ASAP2: variants seen among roughly 807,000 people sequenced by gnomAD.
ASAP2 encodes arf-GAP with SH3 domain, ANK repeat and PH domain-containing protein 2.
A neutral mutation model predicts 131.4 loss-of-function variants in ASAP2; 45 were observed. The observed-to-expected ratio is 0.34, with a 90% CI of 0.27 to 0.44. The LOEUF (loss-of-function observed/expected upper bound fraction) is 0.44, where lower values mean the gene tolerates loss of function less well. ASAP2 is among the 20% of genes least tolerant of loss of function. ASAP2 has a pLI of 1.00. For synonymous variants in ASAP2, 510 were observed against 503.0 expected (o/e 1.01, Z -0.19); for missense variants, 1,011 against 1,297.0 (o/e 0.78, Z 3.39).
chr2:9,215,071 A>G (rs959651519), intron 1 of ASAP2, among the ~76,000 whole-genome samples: 4 of 152,186 alleles, frequency 2.6e-5, no homozygotes, highest in Admixed American at 2.0e-4. Context: ...ACACACCCAG[A>G]TGGCATGCAG....
intron 27 of ASAP2, among the ~76,000 whole-genome samples, chr2:9,402,479 AGGTGTGGT>A (rs1462277174): frequency 6.6e-6 from 1 of 152,154 alleles, no homozygotes; most frequent in African/African-American, 2.4e-5. Flanking sequence ...AAAATTAGCT[AGGTGTGGT>A]GGCAGGCACC....
chr2:9,365,917 C>T (rs868033806), intron 15 of ASAP2, among the ~76,000 whole-genome samples: 18 of 152,026 alleles, frequency 1.2e-4, no homozygotes, highest in Non-Finnish European at 1.9e-4. Flanking sequence ...CTGGGTGATA[C>T]AGAACTTAAA....
intron 15 of ASAP2, among the ~76,000 whole-genome samples, chr2:9,364,059 TAGA>T (rs1420244261): frequency 3.3e-5 from 5 of 152,226 alleles, no homozygotes; most frequent in African/African-American, 1.2e-4. Context: ...CTTCTTAATG[TAGA>T]AGATCATGAT....
intron 16 of ASAP2, among the ~76,000 whole-genome samples, chr2:9,372,601 T>C (rs528542831): frequency 7.0e-4 from 107 of 152,294 alleles, no homozygotes; most frequent in Non-Finnish European, 1.2e-3. Context: ...ATATTAAACA[T>C]TGAAATATGA....
rs1008254236 is a variant in ASAP2, at chr2:9,392,715, T to C, written c.2519-767T>C. 6.6e-6 allele frequency among the ~76,000 whole-genome samples: 1 copy of C among 152,214 alleles called. No homozygotes were observed. The highest frequency in any genetic ancestry group is 6.5e-5 in the Admixed American group (1 of 15,284). On this transcript the variant is annotated intron_variant, in intron 23 of 27. Transcript: ENST00000281419. This position sits in a 1 kb window ranked among gnomAD's most constrained non-coding sequence, Gnocchi z 4.0. The stretch of plus-strand genomic sequence containing the variant: ...TTTCCCCACGCCAGTTTCCTCTCTG[T>C]GTAGCTGAAGGCCTCATTCTTCCTG...
At chr2:9,317,948 A>C (rs113056348) in intron 3 of ASAP2, among the ~76,000 whole-genome samples, 2,051 of 151,902 alleles carry the variant, frequency 0.014, 35 homozygotes, top group African/African-American at 0.047. Flanking sequence ...CACCCACAAC[A>C]CCCTCACTCA....
At chr2:9,341,306 A>AT (rs1671559335) in intron 9 of ASAP2, among the ~76,000 whole-genome samples, 1 of 152,202 alleles carries the variant, frequency 6.6e-6, no homozygotes, top group African/African-American at 2.4e-5. Context: ...TACTGAAGTA[A>AT]TTCGCACTAA....
chr2:9,375,827 T>G (rs1317335615), intron 17 of ASAP2, among the ~76,000 whole-genome samples: 1 of 152,222 alleles, frequency 6.6e-6, no homozygotes, highest in African/African-American at 2.4e-5. Context: ...AGAAGCTCTC[T>G]GAGAGGGGCG....
chr2:9,317,522 C>T (rs1669825342), intron 3 of ASAP2, among the ~76,000 whole-genome samples: 1 of 149,762 alleles, frequency 6.7e-6, no homozygotes, highest in Admixed American at 6.6e-5. Flanking sequence ...CAATCACACC[C>T]CACACTCAAA....
chr2:9,374,707 CG>C (rs1442528312), intron 16 of ASAP2, 47 bp from the exon 17 acceptor site: 8 of 1,518,904 alleles, frequency 5.3e-6, no homozygotes, highest in Non-Finnish European at 7.1e-6. Context: ...GGCCGGACGG[CG>C]GGTAGAAGCC....
chr2:9,303,310 G>A (rs529928623), intron 3 of ASAP2, among the ~76,000 whole-genome samples: 385 of 152,278 alleles, frequency 2.5e-3, no homozygotes, highest in Non-Finnish European at 4.3e-3. Context: ...TTAGGTGTCC[G>A]TTTCTGACAT....
chr2:9,385,200 C>T (rs1309300958), intron 20 of ASAP2, 45 bp from the exon 21 acceptor site: 3 of 1,459,588 alleles, frequency 2.1e-6, no homozygotes, highest in Non-Finnish European at 9.6e-7. Flanking sequence ...AGATGCATGG[C>T]CGAGTGTATG....
At chr2:9,377,305 C>T (rs984616761) in intron 18 of ASAP2, among the ~76,000 whole-genome samples, 15 of 152,192 alleles carry the variant, frequency 9.9e-5, no homozygotes, top group African/African-American at 1.4e-4. Flanking sequence ...GGGCCGTCCT[C>T]GCCTCATCCT....
chr2:9,351,786 C>T (rs1377379799), intron 12 of ASAP2, among the ~76,000 whole-genome samples: 1 of 152,206 alleles, frequency 6.6e-6, no homozygotes, highest in Non-Finnish European at 1.5e-5. Flanking sequence ...GTAATTATCA[C>T]TCCACCTCAC....
intron 3 of ASAP2, among the ~76,000 whole-genome samples, chr2:9,303,191 A>G (rs1668605946): frequency 6.6e-6 from 1 of 152,232 alleles, no homozygotes; most frequent in Admixed American, 6.5e-5. Flanking sequence ...AGGAAGATTT[A>G]AGTCACTGTT....
intron 15 of ASAP2, among the ~76,000 whole-genome samples, chr2:9,361,204 C>T (rs2709575): frequency 0.018 from 2,817 of 152,282 alleles, 106 homozygotes; most frequent in African/African-American, 0.064. Flanking sequence ...AATCTAATTG[C>T]TTCCAGAGTT....
In ASAP2 at chr2:9,404,758, G is replaced by A. The variant is rs1432118043; in HGVS notation, c.*1431G>A. 1 of 148,018 alleles carries A rather than the reference G, an allele frequency of 6.8e-6. No homozygotes were observed. Among genetic ancestry groups the A allele is most frequent in the African/African-American group, 2.5e-5 (1 of 40,212 alleles). The allele number at this position is 148,018 out of a possible 1,614,324, so 9.2% of individuals were successfully genotyped here. A position where few individuals can be genotyped will look rare whatever the true frequency, so the allele number is the denominator to read the frequency against. On this transcript the variant is annotated 3_prime_UTR_variant, in exon 28 of 28. Coordinates refer to ENST00000281419, the MANE Select transcript of ASAP2 (RefSeq NM_003887.3). Reference sequence around the variant, plus strand: ...TAGAGTTTTTTTTTTTTTTGGCATTGTACTTTTTGTTTTTGTTATAAAGGA... The same window carrying A: ...TAGAGTTTTTTTTTTTTTTGGCATTATACTTTTTGTTTTTGTTATAAAGGA...
intron 1 of ASAP2, among the ~76,000 whole-genome samples, chr2:9,254,236 A>AAAAAATATAT (rs1553297024): frequency 2.1e-5 from 1 of 47,110 alleles, no homozygotes; most frequent in African/African-American, 1.4e-4. Context: ...AAAAAAAAAA[A>AAAAAATATAT]ATATATATAT....
chr2:9,285,344 G>C (rs1667397885), intron 2 of ASAP2, among the ~76,000 whole-genome samples: 1 of 152,120 alleles, frequency 6.6e-6, no homozygotes, highest in South Asian at 2.1e-4. Context: ...TCCTACCTCA[G>C]AACCCCCCAT....
Sources: gnomAD v4.1 joint callset for allele counts (sites outside exome capture counted in the v4.1 genomes callset) on GRCh38, gnomAD v4.1.1 for gene constraint, Gnocchi (gnomAD v3.1) non-coding constraint, MANE v1.5 for transcripts, NCBI Gene and HGNC (gene_info 2026-07-23, HGNC 2026-07-21) for gene names.